APBB1IP: variants seen among roughly 807,000 people sequenced by gnomAD.
APBB1IP encodes amyloid beta precursor protein binding family B member 1 interacting protein.
A neutral mutation model predicts 64.9 loss-of-function variants in APBB1IP; 27 were observed. That is an observed-to-expected ratio of 0.42 (90% CI 0.31 to 0.57). The LOEUF (loss-of-function observed/expected upper bound fraction) is 0.57. APBB1IP is among the 20% of genes least tolerant of loss of function. The probability of loss-of-function intolerance (pLI) is 0.20; values close to 1 mark genes in which losing one functional copy is unlikely to be tolerated. For synonymous variants in APBB1IP, 392 were observed against 331.0 expected (o/e 1.18, Z -2.00); for missense variants, 812 against 845.5 (o/e 0.96, Z 0.49).
At chr10:26,455,738 G>A (rs1346549409) in intron 2 of APBB1IP, among the ~76,000 whole-genome samples, 1 of 151,944 alleles carries the variant, frequency 6.6e-6, no homozygotes, top group Non-Finnish European at 1.5e-5. Context: ...GGAAAACAGT[G>A]TGTCAATTCT....
intron 2 of APBB1IP, among the ~76,000 whole-genome samples, chr10:26,448,755 C>G (rs527703230): frequency 6.6e-6 from 1 of 152,122 alleles, no homozygotes; most frequent in African/African-American, 2.4e-5. Flanking sequence ...CTCTTTCTCC[C>G]CCAACTCCCC....
At chr10:26,520,899 T>C (rs553544584) in intron 8 of APBB1IP, among the ~76,000 whole-genome samples, 2 of 152,354 alleles carry the variant, frequency 1.3e-5, no homozygotes, top group Admixed American at 6.5e-5. Flanking sequence ...AGCAATCATC[T>C]ACAGTAAAGT....
rs564338655 is a variant in APBB1IP at position 26,484,727 on chromosome 10, A to G, written c.1-7600A>G. On this transcript the variant is annotated intron_variant, in intron 2 of 14. Coordinates refer to ENST00000376236, the MANE Select transcript of APBB1IP (RefSeq NM_019043.4). ...TTAATATATAAAATAGTACACTTTT[A>G]TGACTAAATCTTTTAGTTTTAAGTG... is the stretch of plus-strand genomic sequence containing the variant. Among the ~76,000 whole-genome samples, 3 of 152,328 alleles carry G rather than the reference A, an allele frequency of 2.0e-5. No individual in the cohort carries two copies. The South Asian group carries it at 6.2e-4, about 32-fold the overall frequency.
chr10:26,565,775 G>A (rs1438238536), intron 14 of APBB1IP, among the ~76,000 whole-genome samples: 1 of 152,214 alleles, frequency 6.6e-6, no homozygotes, highest in African/African-American at 2.4e-5. Flanking sequence ...GCTAACTGGA[G>A]GATTTTAATG....
At chr10:26,556,450 G>T (rs1836896067) in intron 11 of APBB1IP, among the ~76,000 whole-genome samples, 1 of 152,182 alleles carries the variant, frequency 6.6e-6, no homozygotes, top group South Asian at 2.1e-4. Flanking sequence ...GAATCCTCCT[G>T]TATACATCCA....
chr10:26,563,263 G>A (rs1433744714), intron 14 of APBB1IP, among the ~76,000 whole-genome samples: 1 of 152,144 alleles, frequency 6.6e-6, no homozygotes, highest in African/African-American at 2.4e-5. Context: ...TGAGGCAGGA[G>A]GATCCCTTGA....
intron 8 of APBB1IP, among the ~76,000 whole-genome samples, chr10:26,517,263 C>T (rs1341539100): frequency 6.6e-6 from 1 of 152,142 alleles, no homozygotes; most frequent in Non-Finnish European, 1.5e-5. Context: ...CAAAGTGAAC[C>T]AACCCATGTA....
chr10:26,503,164 G>A, intron 5 of APBB1IP, 33 bp from the exon 6 acceptor site: 2 of 1,605,872 alleles, frequency 1.2e-6, no homozygotes, highest in South Asian at 2.2e-5. Context: ...TTACTTAATG[G>A]ACTGTATTGA....
chr10:26,558,406 C>A (rs1195448805), intron 11 of APBB1IP, among the ~76,000 whole-genome samples: 1 of 152,102 alleles, frequency 6.6e-6, no homozygotes, highest in Non-Finnish European at 1.5e-5. Context: ...ATGTGCTAAG[C>A]ACTGAGGGTC....
intron 2 of APBB1IP, among the ~76,000 whole-genome samples, chr10:26,485,819 G>A (rs555761865): frequency 1.3e-5 from 2 of 152,162 alleles, no homozygotes; most frequent in South Asian, 2.1e-4. Flanking sequence ...ATGACAGCTG[G>A]ATTTTGAATG....
At chr10:26,496,543 G>A (rs1366508325) in intron 4 of APBB1IP, 152 bp downstream of exon 4, 1 of 617,094 alleles carries the variant, frequency 1.6e-6, no homozygotes, top group African/African-American at 1.9e-5. Flanking sequence ...GTTTTACTGT[G>A]TCTAGATTGA....
intron 11 of APBB1IP, among the ~76,000 whole-genome samples, chr10:26,555,176 G>A (rs1480540249): frequency 6.6e-6 from 1 of 152,006 alleles, no homozygotes; most frequent in Admixed American, 6.6e-5. Context: ...CCCTCAGTTC[G>A]ATCTTATTCT....
At chr10:26,558,755 C>T (rs1485228768) in intron 11 of APBB1IP, among the ~76,000 whole-genome samples, 1 of 152,054 alleles carries the variant, frequency 6.6e-6, no homozygotes, top group Non-Finnish European at 1.5e-5. Flanking sequence ...CCAACCTGGG[C>T]AACAGAGTGA....
At chr10:26,525,031 G>A (rs1457721029) in intron 8 of APBB1IP, among the ~76,000 whole-genome samples, 1 of 136,700 alleles carries the variant, frequency 7.3e-6, no homozygotes, top group Non-Finnish European at 1.5e-5. Context: ...GCTCACACCT[G>A]TAATCCCAGC....
intron 8 of APBB1IP, among the ~76,000 whole-genome samples, chr10:26,517,885 T>C (rs1481440256): frequency 6.6e-6 from 1 of 152,232 alleles, no homozygotes; most frequent in Non-Finnish European, 1.5e-5. Flanking sequence ...TGTGTAGACA[T>C]TTCTCTTGCA....
chr10:26,529,113 A>G (rs1836515819), intron 8 of APBB1IP, among the ~76,000 whole-genome samples: 1 of 152,216 alleles, frequency 6.6e-6, no homozygotes, highest in Admixed American at 6.5e-5. Flanking sequence ...AAGCTGTGAG[A>G]AAAGAGAGCA....
In APBB1IP at chr10:26,492,369, T is replaced by C; in HGVS notation, c.43T>C (p.Leu15=). The C allele has an allele frequency of 6.2e-7, 1 of 1,614,074 alleles. No individual in the cohort carries two copies. The highest frequency in any genetic ancestry group is 1.1e-5 in the South Asian group (1 of 91,052). The change falls in exon 3 of 15, where the codon TTG becomes CTG. Residue 15 remains leucine, a synonymous_variant. Transcript: ENST00000376236. ...AGACATAGACCAAATGTTCAGCACT[T>C]TGCTGGGAGAGATGGATCTTCTGAC... The part of the protein sequence containing the change: ...SEDIDQMFST[L]LGEMDLLTQS...
chr10:26,527,577 G>T (rs1160522141), intron 8 of APBB1IP, among the ~76,000 whole-genome samples: 2 of 148,328 alleles, frequency 1.3e-5, no homozygotes, highest in Non-Finnish European at 3.0e-5. Flanking sequence ...TACTATCTCA[G>T]AATCCCACTG....
At chr10:26,491,088 G>C (rs1448424903) in intron 2 of APBB1IP, among the ~76,000 whole-genome samples, 1 of 152,114 alleles carries the variant, frequency 6.6e-6, no homozygotes, top group Non-Finnish European at 1.5e-5. Flanking sequence ...AGACCAGCCT[G>C]GCCAACATGA....
Sources: gnomAD v4.1 joint callset for allele counts (sites outside exome capture counted in the v4.1 genomes callset) on GRCh38, gnomAD v4.1.1 for gene constraint, MANE v1.5 for transcripts, NCBI Gene and HGNC (gene_info 2026-07-23, HGNC 2026-07-21) for gene names.